ARRDC5: variants seen among roughly 807,000 people sequenced by gnomAD.
ARRDC5 encodes arrestin domain containing 5, also known as arrestin domain-containing protein 5.
ARRDC5 carries 12 observed loss-of-function variants against 13.3 expected under a neutral mutation model. That is an observed-to-expected ratio of 0.90 (90% CI 0.58 to 1.46). ARRDC5 has a LOEUF of 1.46. Among genes scored for constraint, ARRDC5 ranks in the 40% most tolerant of loss-of-function variants. ARRDC5 has a pLI of 0.00. For synonymous variants in ARRDC5, 181 were observed against 173.4 expected, an observed-to-expected ratio of 1.04 and a Z score of -0.34; for missense variants, 406 against 418.7, an observed-to-expected ratio of 0.97 and a Z score of 0.26.
chr19:4,910,008 G>T, the ARRDC5 span: 1 of 181,884 alleles, frequency 5.5e-6, no homozygotes, highest in African/African-American at 2.4e-5. Context: ...AGTTCCCCGG[G>T]AGCATCTGGG....
the ARRDC5 span, chr19:4,909,566 C>T: frequency 1.5e-6 from 1 of 657,620 alleles, no homozygotes; most frequent in Non-Finnish European, 2.7e-6. Flanking sequence ...CGCAAGTCCG[C>T]GCGGGGTCCG....
intron 2 of ARRDC5, among the ~76,000 whole-genome samples, chr19:4,894,208 C>A (rs1003082259): frequency 6.8e-6 from 1 of 146,332 alleles, no homozygotes; most frequent in Admixed American, 7.1e-5. Flanking sequence ...AACCCCGTCT[C>A]TAATAAAAAA....
In ARRDC5 at chr19:4,891,298, C is replaced by A; in HGVS notation, c.735G>T (p.Val245=). Residue 245 remains valine, a synonymous_variant, in exon 3 of 3, where the codon GTG becomes GTT. Coordinates refer to ENST00000650722, the MANE Select transcript of ARRDC5 (RefSeq NM_001080523.3). ...CAACCTTGGTGGTGTTGAAGCGGGT[C>A]ACGGGGGTGTTGGCCTCCTGCCTCA... ...ELLRQEANTP[V]TRFNTTKVVS... 6.2e-7 allele frequency: 1 copy of A among 1,613,912 alleles called. No individual in the cohort carries two copies. Among genetic ancestry groups the A allele is most frequent in the South Asian group, 1.1e-5 (1 of 91,076 alleles).
At position 4,898,655 on chromosome 19, in the gene ARRDC5, C is replaced by T. The variant is rs2602703; in HGVS notation, c.254-1779G>A. Among the ~76,000 whole-genome samples, 84 of 126,614 alleles carry T rather than the reference C, an allele frequency of 6.6e-4. 1 individual carries two copies. The highest frequency in any genetic ancestry group is 3.4e-4 in the Admixed American group (4 of 11,796). The allele number at this position is 126,614 out of a possible 152,430, so 83.1% of individuals were successfully genotyped here. On this transcript the variant is annotated intron_variant, in intron 1 of 2. Transcript: ENST00000650722. ...GGGATTACAGGCATAAGCCATCAGGCGGGCTTGGCCTTTTTTTTTTTTTTT... is the reference window on the plus strand; with the variant it reads ...GGGATTACAGGCATAAGCCATCAGGTGGGCTTGGCCTTTTTTTTTTTTTTT...
At chr19:4,899,483 T>A (rs1465981471) in intron 1 of ARRDC5, among the ~76,000 whole-genome samples, 2 of 149,586 alleles carry the variant, frequency 1.3e-5, no homozygotes, top group African/African-American at 2.5e-5. Flanking sequence ...ATACAAAAAA[T>A]TAGTAGGGCA....
chr19:4,898,029 G>T (rs755386919), intron 1 of ARRDC5, among the ~76,000 whole-genome samples: 1 of 152,140 alleles, frequency 6.6e-6, no homozygotes, highest in Non-Finnish European at 1.5e-5. Context: ...GGAGGTTGCA[G>T]TGAGCCGAGA....
chr19:4,901,355 C>G (rs1327905089), intron 1 of ARRDC5, among the ~76,000 whole-genome samples: 2 of 152,088 alleles, frequency 1.3e-5, no homozygotes, highest in African/African-American at 4.8e-5. Context: ...GTGGCTCATG[C>G]CTGTAATCCC....
chr19:4,896,346 ATATT>A (rs1268607067), intron 2 of ARRDC5, among the ~76,000 whole-genome samples: 6,876 of 71,080 alleles, frequency 0.097, 513 homozygotes, highest in Non-Finnish European at 0.13. Flanking sequence ...ATATATATAT[ATATT>A]TTTTTTTTTT....
At position 4,902,565 on chromosome 19, in the gene ARRDC5, G is replaced by A. The variant is rs376666359; in HGVS notation, c.253+8C>T. The A allele has an allele frequency of 1.4e-5, 22 of 1,612,646 alleles. No homozygotes were observed. Among genetic ancestry groups the A allele is most frequent in the East Asian group, 4.5e-5 (2 of 44,868 alleles). On this transcript the variant is annotated splice_region_variant and intron_variant, in intron 1 of 2. Coordinates refer to ENST00000650722, the MANE Select transcript of ARRDC5 (RefSeq NM_001080523.3). Reference sequence around the variant, plus strand: ...ATGGCTAGGGGTGGCTGTTGGCCTCGTCCTTACCCTCCACTGGGAATGTCT... The same window carrying A: ...ATGGCTAGGGGTGGCTGTTGGCCTCATCCTTACCCTCCACTGGGAATGTCT...
upstream of ARRDC5, among the ~76,000 whole-genome samples, chr19:4,904,918 G>C (rs1430764105): frequency 6.6e-6 from 1 of 152,086 alleles, no homozygotes; most frequent in African/African-American, 2.4e-5. Flanking sequence ...CATAGGAGGG[G>C]CTAGGAAGTA....
chr19:4,900,110 G>C (rs2031867588), intron 1 of ARRDC5, among the ~76,000 whole-genome samples: 1 of 145,302 alleles, frequency 6.9e-6, no homozygotes, highest in Non-Finnish European at 1.5e-5. Flanking sequence ...GAGCCACCGC[G>C]CCCGGCCAGC....
intron 1 of ARRDC5, among the ~76,000 whole-genome samples, chr19:4,900,444 T>C (rs974492667): frequency 6.6e-6 from 1 of 152,190 alleles, no homozygotes; most frequent in Non-Finnish European, 1.5e-5. Context: ...AAGCATTTAC[T>C]GTATACCTGG....
chr19:4,906,505 G>A (rs542151487), upstream of ARRDC5, among the ~76,000 whole-genome samples: 1 of 152,282 alleles, frequency 6.6e-6, no homozygotes, highest in African/African-American at 2.4e-5. Context: ...TGTAATCCCA[G>A]CACTTTGGGA....
At chr19:4,893,480 T>C (rs10417037) in intron 2 of ARRDC5, among the ~76,000 whole-genome samples, 42,283 of 147,840 alleles carry the variant, frequency 0.29, 6,846 homozygotes, top group Middle Eastern at 0.46. Context: ...CACTCCAGCC[T>C]GAGCAACAGA....
the ARRDC5 span, among the ~76,000 whole-genome samples, chr19:4,913,252 CT>C: frequency 7.6e-4 from 85 of 111,188 alleles, no homozygotes; most frequent in South Asian, 3.5e-3. Flanking sequence ...GTACATTGTG[CT>C]TTTTTTTTTT....
the ARRDC5 span, chr19:4,910,004 C>T: frequency 5.4e-6 from 1 of 186,514 alleles, no homozygotes; most frequent in African/African-American, 2.4e-5. Context: ...CCTGAGTTCC[C>T]CGGGAGCATC....
At chr19:4,900,058 T>C (rs1280594452) in intron 1 of ARRDC5, among the ~76,000 whole-genome samples, 1 of 150,598 alleles carries the variant, frequency 6.6e-6, no homozygotes, top group African/African-American at 2.4e-5. Flanking sequence ...CACTGCAACC[T>C]CCGTCTCCCT....
chr19:4,890,833 C>G lies in ARRDC5; in HGVS notation c.*213G>C. The G allele has an allele frequency of 1.8e-6, 1 of 542,340 alleles. No homozygotes were observed. Among genetic ancestry groups the G allele is most frequent in the Non-Finnish European group, 3.3e-6 (1 of 307,496 alleles). 33.6% of individuals were successfully genotyped at this position (542,340 alleles called of 1,614,324 possible). A position where few individuals can be genotyped will look rare whatever the true frequency, so the allele number is the denominator to read the frequency against. On this transcript the variant is annotated 3_prime_UTR_variant, in exon 3 of 3. Transcript: ENST00000650722. ...AGGCAGGTTATGCCGGGTTTGGGTC[C>G]TGGGAGACCTTCCCGGTTTCCTTTG...
chr19:4,893,108 A>C (rs1237021260), intron 2 of ARRDC5, among the ~76,000 whole-genome samples: 1 of 123,918 alleles, frequency 8.1e-6, no homozygotes, highest in African/African-American at 2.7e-5. Flanking sequence ...TCTCAAAAAT[A>C]AATATATATA....
Sources: gnomAD v4.1 joint callset for allele counts (sites outside exome capture counted in the v4.1 genomes callset) on GRCh38, gnomAD v4.1.1 for gene constraint, MANE v1.5 for transcripts, NCBI Gene and HGNC (gene_info 2026-07-23, HGNC 2026-07-21) for gene names.